LARS2: variants seen among roughly 807,000 people sequenced by gnomAD.
LARS2 encodes leucyl-tRNA synthetase 2, mitochondrial.
A neutral mutation model predicts 116.6 loss-of-function variants in LARS2; 81 were observed. The observed-to-expected ratio is 0.69, with a 90% confidence interval of 0.58 to 0.84. The LOEUF (loss-of-function observed/expected upper bound fraction) is 0.84, where lower values mean the gene tolerates loss of function less well. Ranked by LOEUF, LARS2 falls within the 40% of genes least tolerant of loss-of-function variation. The pLI is 0.00. For synonymous variants in LARS2, 396 were observed against 407.2 expected (o/e 0.97, Z 0.33); for missense variants, 968 against 1,114.5 (o/e 0.87, Z 1.87).
Position 45,400,293 on chromosome 3 carries a change from G to A in LARS2, c.283G>A (p.Gly95Ser), listed in dbSNP as rs1332623491. The A allele has an allele frequency of 1.2e-6, 2 of 1,613,834 alleles. No homozygotes were observed. Among genetic ancestry groups the A allele is most frequent in the Non-Finnish European group, 1.7e-6 (2 of 1,179,864 alleles). The change falls in exon 4 of 22, where the codon GGT becomes AGT. Residue 95 changes from glycine to serine, a missense_variant. Transcript: ENST00000645846. ...GCTTTCCATGTTCCCTTATCCTTCT[G>A]GTAAGCTGCACATGGGCCATGTGCG... Reference protein sequence around the residue: ...YVLSMFPYPSGKLHMGHVRVY... With the variant: ...YVLSMFPYPSSKLHMGHVRVY...
intron 16 of LARS2, among the ~76,000 whole-genome samples, chr3:45,515,084 T>C (rs2125752365): frequency 6.6e-6 from 1 of 152,306 alleles, no homozygotes; most frequent in South Asian, 2.1e-4. Flanking sequence ...GAATCAGAGA[T>C]TATTTGGCTG....
chr3:45,403,314 C>CT (rs1379186011), intron 4 of LARS2, among the ~76,000 whole-genome samples: 1 of 151,336 alleles, frequency 6.6e-6, no homozygotes, highest in East Asian at 2.0e-4. Flanking sequence ...TACAATTAAG[C>CT]TTTTTTTTGT....
intron 8 of LARS2, 98 bp from the exon 9 acceptor site, chr3:45,474,145 T>G (rs774256938): frequency 1.8e-5 from 12 of 668,220 alleles, no homozygotes; most frequent in Non-Finnish European, 2.9e-5. Context: ...TCTTCTTTAG[T>G]GTCCCTGCTT....
chr3:45,481,386 G>A (rs1699698774), intron 10 of LARS2, among the ~76,000 whole-genome samples: 1 of 152,172 alleles, frequency 6.6e-6, no homozygotes, highest in Admixed American at 6.5e-5. Context: ...ATACCTAGGG[G>A]TAGAATTGCT....
At chr3:45,478,393 ATAAGGTAC>A (rs2125721309) in intron 10 of LARS2, among the ~76,000 whole-genome samples, 1 of 152,348 alleles carries the variant, frequency 6.6e-6, no homozygotes. Context: ...ACAAATGAAA[ATAAGGTAC>A]TATTAATAGG....
intron 8 of LARS2, among the ~76,000 whole-genome samples, chr3:45,465,032 C>G (rs1016889416): frequency 3.9e-5 from 6 of 151,986 alleles, no homozygotes; most frequent in Non-Finnish European, 8.8e-5. Flanking sequence ...AGGCCAGAGC[C>G]CATGCCGGCT....
intron 8 of LARS2, among the ~76,000 whole-genome samples, chr3:45,462,538 C>G (rs1575270528): frequency 1.3e-5 from 2 of 152,220 alleles, no homozygotes; most frequent in South Asian, 4.1e-4. Flanking sequence ...CACTGATGTC[C>G]TGTTAGCCCC....
At position 45,548,031 on chromosome 3, in the gene LARS2, T is replaced by C. The variant is rs1700900163; in HGVS notation, c.*501T>C. On this transcript the variant is annotated 3_prime_UTR_variant, in exon 22 of 22. Coordinates refer to ENST00000645846, the MANE Select transcript of LARS2 (RefSeq NM_015340.4). ...GATGGTAGTGAATGGTCTCTTTGCC[T>C]TCAGGCTGGATGAGGAAGTCATTTA... 1 of 153,018 alleles carries C rather than the reference T, an allele frequency of 6.5e-6. No individual in the cohort carries two copies. The highest frequency in any genetic ancestry group is 2.4e-5 in the African/African-American group (1 of 41,498). The allele number at this position is 153,018 out of a possible 1,614,324, so 9.5% of individuals were successfully genotyped here. A position where few individuals can be genotyped will look rare whatever the true frequency, so the allele number is the denominator to read the frequency against.
At position 45,488,799 on chromosome 3, in the gene LARS2, G is replaced by A; in HGVS notation, c.1226G>A (p.Ser409Asn). 6.2e-7 allele frequency: 1 copy of A among 1,606,258 alleles called. No individual in the cohort carries two copies. The highest frequency in any genetic ancestry group is 8.5e-7 in the Non-Finnish European group (1 of 1,172,770). The change falls in exon 12 of 22, where the codon AGC becomes AAC. Residue 409 changes from serine to asparagine, a missense_variant. Physicochemically the swap from Ser to Asn is conservative, Grantham distance 46. Transcript: ENST00000645846. ...ETLPDGTERL[S>N]SSAEFTGMTR... The stretch of plus-strand genomic sequence containing the variant: ...TTGCCAGATGGCACAGAGAGACTGA[G>A]CAGCTCTGCTGAGGTTGGTGACTAA...
At chr3:45,546,101 G>A (rs1700872722) in intron 21 of LARS2, among the ~76,000 whole-genome samples, 1 of 152,164 alleles carries the variant, frequency 6.6e-6, no homozygotes, top group Non-Finnish European at 1.5e-5. Flanking sequence ...CAGAGGAGAT[G>A]TTGCCCTGGG....
At chr3:45,506,422 A>T (rs1700201261) in intron 15 of LARS2, among the ~76,000 whole-genome samples, 1 of 152,100 alleles carries the variant, frequency 6.6e-6, no homozygotes, top group Non-Finnish European at 1.5e-5. Flanking sequence ...GAGCCTCCAA[A>T]CAACTTTATC....
At position 45,415,874 on chromosome 3, in the gene LARS2, T is replaced by G. The variant is rs1316810855; in HGVS notation, c.364-1608T>G. Among the ~76,000 whole-genome samples, 594 of 79,382 alleles carry G rather than the reference T, an allele frequency of 7.5e-3. 7 individuals carry two copies. The highest frequency in any genetic ancestry group is 7.9e-3 in the Non-Finnish European group (331 of 41,772). 52.1% of individuals were successfully genotyped at this position (79,382 alleles called of 152,430 possible). On this transcript the variant is annotated intron_variant, in intron 4 of 21. Coordinates refer to ENST00000645846, the MANE Select transcript of LARS2 (RefSeq NM_015340.4). ...AAAAAAAAAAAAATATATATATATA[T>G]ATAGAGAGAGAGAGAGAGGGAGAGA... is the stretch of plus-strand genomic sequence containing the variant.
intron 10 of LARS2, among the ~76,000 whole-genome samples, chr3:45,482,370 C>G (rs1213039779): frequency 6.6e-6 from 1 of 152,046 alleles, no homozygotes; most frequent in African/African-American, 2.4e-5. Context: ...AGGAGATATT[C>G]CCAAGTGTGG....
intron 20 of LARS2, among the ~76,000 whole-genome samples, chr3:45,532,314 T>C (rs981221959): frequency 1.3e-5 from 2 of 152,230 alleles, no homozygotes; most frequent in African/African-American, 4.8e-5. Flanking sequence ...AGTTATATTT[T>C]ACTTAATGCC....
At position 45,474,307 on chromosome 3, in the gene LARS2, G is replaced by C. The variant is rs1471838788; in HGVS notation, c.815G>C (p.Trp272Ser). ...GGAATAAAAGGCATGCAAGCCCACTGGATTGGGGACTGTGTGGGCTGCCAC... is the reference window on the plus strand; with the variant it reads ...GGAATAAAAGGCATGCAAGCCCACTCGATTGGGGACTGTGTGGGCTGCCAC... ...WYGIKGMQAH[W>S]IGDCVGCHLD... The change falls in exon 9 of 22, where the codon TGG becomes TCG. Residue 272 changes from tryptophan (W) to serine (S), a missense_variant. Physicochemically the swap from Trp to Ser is radical, Grantham distance 177 (BLOSUM62 -3). Coordinates refer to ENST00000645846, the MANE Select transcript of LARS2 (RefSeq NM_015340.4). The C allele has an allele frequency of 6.2e-7, 1 of 1,611,706 alleles. No individual in the cohort carries two copies. Among genetic ancestry groups the C allele is most frequent in the African/African-American group, 1.3e-5 (1 of 75,016 alleles).
intron 20 of LARS2, among the ~76,000 whole-genome samples, chr3:45,535,911 G>A (rs1263297463): frequency 6.6e-6 from 1 of 152,088 alleles, no homozygotes; most frequent in Non-Finnish European, 1.5e-5. Flanking sequence ...CTGGGTGAAG[G>A]GTGCACAGGA....
At chr3:45,490,088 C>A (rs989709402) in intron 12 of LARS2, among the ~76,000 whole-genome samples, 2 of 152,188 alleles carry the variant, frequency 1.3e-5, no homozygotes, top group Non-Finnish European at 2.9e-5. Context: ...TGTTTTATAA[C>A]CCCATGTTTG....
intron 8 of LARS2, among the ~76,000 whole-genome samples, chr3:45,459,091 G>T (rs556721288): frequency 6.6e-6 from 1 of 152,232 alleles, no homozygotes; most frequent in South Asian, 2.1e-4. Context: ...GTCAAGTATA[G>T]CACCTAGAGG....
At chr3:45,466,016 G>A (rs955777019) in intron 8 of LARS2, among the ~76,000 whole-genome samples, 2 of 152,122 alleles carry the variant, frequency 1.3e-5, no homozygotes, top group Non-Finnish European at 2.9e-5. Context: ...AAAGAGAAAG[G>A]TTTTCATGTT....
Sources: gnomAD v4.1 joint callset for allele counts (sites outside exome capture counted in the v4.1 genomes callset) on GRCh38, gnomAD v4.1.1 for gene constraint, MANE v1.5 for transcripts, NCBI Gene and HGNC (gene_info 2026-07-23, HGNC 2026-07-21) for gene names.